Variants in WWOX observed in about 807,000 individuals in gnomAD.
WWOX encodes WW domain-containing oxidoreductase.
In WWOX, 69 loss-of-function variants were observed where a neutral mutation model predicts 46.2. The ratio of observed to expected loss-of-function variants is 1.49; its 90% CI spans 1.23 to 1.82. The LOEUF (loss-of-function observed/expected upper bound fraction) is 1.82. Among genes scored for constraint, WWOX ranks in the 40% most tolerant of loss-of-function variants. WWOX has a pLI of 0.00. For synonymous variants in WWOX, 359 were observed against 202.6 expected (o/e 1.77, Z -6.56); for missense variants, 919 against 542.6 (o/e 1.69, Z -6.89).
chr16:78,561,936 T>A (rs1008883062), intron 8 of WWOX, among the ~76,000 whole-genome samples: 14 of 151,508 alleles, frequency 9.2e-5, no homozygotes, highest in African/African-American at 3.4e-4. Flanking sequence ...TAATTTCCCA[T>A]TAAAAGTAAC....
rs1441020703 is a variant in WWOX, at chr16:78,345,492, A to C, written c.517-41368A>C. 5.8e-5 allele frequency among the ~76,000 whole-genome samples: 4 copies of C among 68,958 alleles called. No homozygotes were observed. The Admixed American group carries it at 6.0e-4, about 10-fold the overall frequency. The allele number at this position is 68,958 out of a possible 152,430, so 45.2% of individuals were successfully genotyped here. On this transcript the variant is annotated intron_variant, in intron 5 of 8. Coordinates refer to ENST00000566780, the MANE Select transcript of WWOX (RefSeq NM_016373.4). The stretch of plus-strand genomic sequence containing the variant: ...AAAAAAAAAAAAAAAAAAAAAAAAA[A>C]AATTTTAGTCGGGTGTAATGGCACA...
chr16:78,942,763 G>T (rs1181296604), intron 8 of WWOX, among the ~76,000 whole-genome samples: 1 of 152,168 alleles, frequency 6.6e-6, no homozygotes, highest in Non-Finnish European at 1.5e-5. Context: ...TCATTGTGCA[G>T]GCAAACATGA....
intron 5 of WWOX, among the ~76,000 whole-genome samples, chr16:78,383,114 G>A (rs2081990180): frequency 1.3e-5 from 2 of 150,996 alleles, no homozygotes; most frequent in South Asian, 4.2e-4. Flanking sequence ...TTTTTAACCA[G>A]CCCCATGATC....
chr16:78,374,527 ATTTTTTTTTTTTTTTTTTTTT>A (rs541225697), intron 5 of WWOX, among the ~76,000 whole-genome samples: 54 of 70,900 alleles, frequency 7.6e-4, no homozygotes, highest in African/African-American at 2.4e-3. Flanking sequence ...TCTGTCTTGA[ATTTTTTTTTTTTTTTTTTTTT>A]TTTTTTTTTT....
chr16:78,487,577 G>A lies in WWOX; in HGVS notation c.1056+54825G>A, dbSNP rs138840543. ...CTCTGGTTCAGGGTGTTGAGGCTTC[G>A]TGCTGTTAATATTGGAAGGTGGGTC... On this transcript the variant is annotated intron_variant, in intron 8 of 8. Transcript: ENST00000566780. Among the ~76,000 whole-genome samples, 1,271 of 152,196 alleles carry A rather than the reference G, an allele frequency of 8.4e-3. 16 individuals carry two copies. The highest frequency in any genetic ancestry group is 9.2e-3 in the Non-Finnish European group (624 of 68,010).
intron 8 of WWOX, among the ~76,000 whole-genome samples, chr16:78,500,458 G>GT (rs375356361): frequency 7.2e-4 from 107 of 147,922 alleles, no homozygotes; most frequent in Non-Finnish European, 7.5e-4. Context: ...GCTTTTGTTT[G>GT]TTTTTTTTTA....
chr16:78,862,268 A>C (rs2043904729), intron 8 of WWOX, among the ~76,000 whole-genome samples: 1 of 151,464 alleles, frequency 6.6e-6, no homozygotes, highest in South Asian at 2.1e-4. Context: ...CTGTACCTAT[A>C]CACACCTATG....
intron 8 of WWOX, among the ~76,000 whole-genome samples, chr16:78,845,135 T>C (rs1450481377): frequency 5.0e-5 from 4 of 80,656 alleles, no homozygotes; most frequent in Non-Finnish European, 1.1e-4. Context: ...CTTGCTGTCT[T>C]TTTTTTTTTT....
chr16:78,816,331 C>G (rs1375474112), intron 8 of WWOX, among the ~76,000 whole-genome samples: 3 of 151,978 alleles, frequency 2.0e-5, no homozygotes, highest in African/African-American at 7.3e-5. Context: ...CCTGATATAT[C>G]GAGGACTCCA....
At chr16:78,764,473 G>A (rs771280293) in intron 8 of WWOX, among the ~76,000 whole-genome samples, 1 of 148,522 alleles carries the variant, frequency 6.7e-6, no homozygotes, top group Non-Finnish European at 1.5e-5. Context: ...GTAAAATTAA[G>A]ACTGTTTTCA....
At chr16:78,220,722 A>T (rs946038178) in intron 5 of WWOX, among the ~76,000 whole-genome samples, 1 of 152,214 alleles carries the variant, frequency 6.6e-6, no homozygotes, top group African/African-American at 2.4e-5. Flanking sequence ...AAATGCTGGT[A>T]TGACTAACAA....
At chr16:78,985,811 T>C (rs79533355) in intron 8 of WWOX, among the ~76,000 whole-genome samples, 1 of 152,218 alleles carries the variant, frequency 6.6e-6, no homozygotes, top group East Asian at 1.9e-4. Context: ...ACCTGGATCC[T>C]CACATTGCAA....
chr16:78,293,142 C>T (rs920869631), intron 5 of WWOX, among the ~76,000 whole-genome samples: 2 of 152,208 alleles, frequency 1.3e-5, no homozygotes, highest in African/African-American at 4.8e-5. Context: ...ACACAAGCCA[C>T]CTCCTCCTCC....
intron 5 of WWOX, among the ~76,000 whole-genome samples, chr16:78,231,884 G>A (rs2037276963): frequency 1.0e-5 from 1 of 100,260 alleles, no homozygotes; most frequent in South Asian, 3.5e-4. Context: ...AATTTTTTCT[G>A]AGGTCTAATC....
At chr16:78,393,979 C>T (rs1269219644) in intron 6 of WWOX, among the ~76,000 whole-genome samples, 2 of 152,172 alleles carry the variant, frequency 1.3e-5, no homozygotes, top group African/African-American at 4.8e-5. Flanking sequence ...CTTGAATCTA[C>T]TAATCCCAGA....
rs151198513 is a variant in WWOX at position 78,104,029 on chromosome 16, G to A, written c.107+4144G>A. Among the ~76,000 whole-genome samples the A allele has an allele frequency of 3.2e-3, 483 of 152,156 alleles. 1 individual carries two copies. The highest frequency in any genetic ancestry group is 6.8e-3 in the Middle Eastern group (2 of 294). The stretch of plus-strand genomic sequence containing the variant: ...TTTCTTCTACCCCTCTCCCCTCACA[G>A]TCTCAGAGCAGCCCCTTCATGGGAG... On this transcript the variant is annotated intron_variant, in intron 1 of 8. Coordinates refer to ENST00000566780, the MANE Select transcript of WWOX (RefSeq NM_016373.4).
intron 8 of WWOX, among the ~76,000 whole-genome samples, chr16:79,144,657 A>T (rs2050151693): frequency 6.6e-6 from 1 of 152,172 alleles, no homozygotes; most frequent in Non-Finnish European, 1.5e-5. Flanking sequence ...TTATAATATT[A>T]AGTTCGTTCA....
chr16:78,324,537 CCATCAATGGA>C (rs1236749365), intron 5 of WWOX, among the ~76,000 whole-genome samples: 1 of 152,028 alleles, frequency 6.6e-6, no homozygotes. Flanking sequence ...ACCCTAATGT[CCATCAATGGA>C]CAAATGGATA....
intron 8 of WWOX, among the ~76,000 whole-genome samples, chr16:78,711,575 C>G (rs912560977): frequency 6.6e-6 from 1 of 152,172 alleles, no homozygotes; most frequent in Non-Finnish European, 1.5e-5. Context: ...GAGCAGATGA[C>G]GGAATGATAA....
Sources: gnomAD v4.1 joint callset for allele counts (sites outside exome capture counted in the v4.1 genomes callset) on GRCh38, gnomAD v4.1.1 for gene constraint, MANE v1.5 for transcripts, NCBI Gene and HGNC (gene_info 2026-07-23, HGNC 2026-07-21) for gene names.